The following DLGAP1 variants were observed in gnomAD, a reference collection of about 807,000 sequenced individuals.
DLGAP1 encodes disks large-associated protein 1.
In DLGAP1, 11 loss-of-function variants were observed where a neutral mutation model predicts 90.8. The observed-to-expected ratio is 0.12, with a 90% CI of 0.08 to 0.20. The LOEUF is 0.20. DLGAP1 is among the 10% of genes least tolerant of loss of function. The pLI, the probability that DLGAP1 is intolerant of heterozygous loss-of-function variation, is 1.00. For missense variants in DLGAP1, 1,050 were observed against 1,333.8 expected, an observed-to-expected ratio of 0.79 and a Z score of 3.31; for synonymous variants, 558 against 540.7, an observed-to-expected ratio of 1.03 and a Z score of -0.44.
At chr18:3,845,178 C>A in intron 4 of DLGAP1, 1 of 1,597,930 alleles carries the variant, frequency 6.3e-7, no homozygotes, top group Non-Finnish European at 8.6e-7. Context: ...AGAAATCAAG[C>A]ACAAAGAAAC....
chr18:4,280,527 G>A (rs1015195323), intron 1 of DLGAP1, among the ~76,000 whole-genome samples: 2 of 152,120 alleles, frequency 1.3e-5, no homozygotes, highest in African/African-American at 4.8e-5. Context: ...TAAAATGCAT[G>A]TCTGTCAACT....
rs1439065307 is a variant in DLGAP1, at chr18:4,219,228, G to C, written c.-266-67941C>G. On this transcript the variant is annotated intron_variant, in intron 1 of 12. Transcript: ENST00000315677. ...TTAATTTGCGTTTCTCTAATGATTA[G>C]GATAATAAACATTTTTTCATATATC... Among the ~76,000 whole-genome samples, 6 of 151,386 alleles carry C rather than the reference G, an allele frequency of 4.0e-5. No individual in the cohort carries two copies. The East Asian group carries it at 9.7e-4, about 24-fold the overall frequency.
chr18:3,919,390 G>C (rs879828032), intron 3 of DLGAP1, among the ~76,000 whole-genome samples: 1 of 152,196 alleles, frequency 6.6e-6, no homozygotes, highest in African/African-American at 2.4e-5. Context: ...ATAGATTCCT[G>C]GTGAGTTTAA....
chr18:4,034,111 G>A (rs12957672), intron 2 of DLGAP1, among the ~76,000 whole-genome samples: 20,637 of 139,104 alleles, frequency 0.15, 1,799 homozygotes, highest in Middle Eastern at 0.24. Context: ...GCGTGATCTC[G>A]GCTCACTGCA....
intron 5 of DLGAP1, among the ~76,000 whole-genome samples, chr18:3,744,265 G>T (rs1240582515): frequency 6.6e-6 from 1 of 152,040 alleles, no homozygotes; most frequent in East Asian, 1.9e-4. Context: ...AAATCCTCAA[G>T]GTAGCTAGAT....
intron 3 of DLGAP1, among the ~76,000 whole-genome samples, chr18:4,004,415 C>T (rs1039650167): frequency 6.6e-6 from 1 of 152,114 alleles, no homozygotes; most frequent in South Asian, 2.1e-4. Flanking sequence ...CCCTTCTTCC[C>T]CCTTCCCTTC....
chr18:3,842,925 T>C (rs2068802083), intron 4 of DLGAP1, among the ~76,000 whole-genome samples: 3 of 152,226 alleles, frequency 2.0e-5, no homozygotes, highest in Admixed American at 2.0e-4. Context: ...TCATCTTTGT[T>C]CCTCGCCCAG....
chr18:4,376,151 T>A (rs1050068920), intron 1 of DLGAP1, among the ~76,000 whole-genome samples: 1 of 152,148 alleles, frequency 6.6e-6, no homozygotes, highest in Non-Finnish European at 1.5e-5. Context: ...ATGCTTGGCA[T>A]CTATAAAGGA....
chr18:4,315,773 G>A (rs2143520503), intron 1 of DLGAP1, among the ~76,000 whole-genome samples: 1 of 151,170 alleles, frequency 6.6e-6, no homozygotes, highest in South Asian at 2.1e-4. Context: ...CAGATTATTT[G>A]CCTCTAACAT....
intron 2 of DLGAP1, among the ~76,000 whole-genome samples, chr18:4,127,249 C>T (rs139704382): frequency 7.5e-4 from 114 of 152,156 alleles, no homozygotes; most frequent in African/African-American, 2.7e-3. Flanking sequence ...GGTGTGGTAC[C>T]GGCTGGCTGA....
At chr18:4,406,189 G>A (rs568348190) in intron 1 of DLGAP1, among the ~76,000 whole-genome samples, 1 of 152,288 alleles carries the variant, frequency 6.6e-6, no homozygotes, top group African/African-American at 2.4e-5. Flanking sequence ...CTATGCAGAT[G>A]AAAACTAGGC....
intron 7 of DLGAP1, among the ~76,000 whole-genome samples, chr18:3,666,742 G>A (rs866294986): frequency 6.6e-6 from 1 of 151,418 alleles, no homozygotes; most frequent in Admixed American, 6.6e-5. Context: ...AATTTAAAAA[G>A]TTTTTTTTTA....
At chr18:3,574,290 G>A (rs1051575560) in intron 8 of DLGAP1, among the ~76,000 whole-genome samples, 1 of 151,744 alleles carries the variant, frequency 6.6e-6, no homozygotes, top group Non-Finnish European at 1.5e-5. Context: ...TTCTAGCTTT[G>A]TAAATTGAGT....
intron 3 of DLGAP1, among the ~76,000 whole-genome samples, chr18:3,928,443 T>A (rs2072442288): frequency 6.6e-6 from 1 of 152,184 alleles, no homozygotes; most frequent in South Asian, 2.1e-4. Context: ...AATTAAGTGG[T>A]TTAATTTATT....
At chr18:3,669,333 C>T (rs186234196) in intron 7 of DLGAP1, among the ~76,000 whole-genome samples, 10 of 152,128 alleles carry the variant, frequency 6.6e-5, no homozygotes, top group African/African-American at 2.4e-4. Flanking sequence ...TAGGGCTCTA[C>T]CCCCACGGAC....
chr18:4,227,796 G>A (rs555783050), intron 1 of DLGAP1, among the ~76,000 whole-genome samples: 21 of 150,154 alleles, frequency 1.4e-4, no homozygotes, highest in Non-Finnish European at 2.1e-4. Flanking sequence ...TAAAGAATCA[G>A]ACAAGCAAGA....
chr18:4,105,905 A>C (rs4798171), intron 2 of DLGAP1, among the ~76,000 whole-genome samples: 1 of 151,112 alleles, frequency 6.6e-6, no homozygotes, highest in Non-Finnish European at 1.5e-5. Context: ...GGTGGCGGGC[A>C]CCTGTAGTCC....
At chr18:3,880,762 G>A (rs1474065552) in intron 3 of DLGAP1, among the ~76,000 whole-genome samples, 1 of 151,758 alleles carries the variant, frequency 6.6e-6, no homozygotes, top group Non-Finnish European at 1.5e-5. Flanking sequence ...GGCCAACATG[G>A]TGAAACCCTG....
intron 1 of DLGAP1, among the ~76,000 whole-genome samples, chr18:4,202,809 A>G (rs2077632611): frequency 6.6e-6 from 1 of 152,196 alleles, no homozygotes; most frequent in South Asian, 2.1e-4. Context: ...ATAAGATTTT[A>G]CCACTTCTGA....
Sources: allele counts gnomAD v4.1 joint callset (sites outside exome capture counted in the v4.1 genomes callset), GRCh38; gene constraint gnomAD v4.1.1; transcripts MANE v1.5; gene names NCBI Gene and HGNC (gene_info 2026-07-23, HGNC 2026-07-21).